CCDC88C: variants seen among roughly 807,000 people sequenced by gnomAD.
CCDC88C encodes the protein coiled-coil and HOOK domain protein 88C.
Under a neutral mutation model 198.8 loss-of-function variants are expected in CCDC88C, and 131 were observed. The ratio of observed to expected loss-of-function variants is 0.66; its 90% CI spans 0.57 to 0.76. CCDC88C has a LOEUF of 0.76. Among genes scored for constraint, CCDC88C ranks in the 30% least tolerant of loss-of-function variants. The pLI, the probability that CCDC88C is intolerant of heterozygous loss-of-function variation, is 0.00. For synonymous variants in CCDC88C, 1,166 were observed against 1,114.7 expected, an observed-to-expected ratio of 1.05 and a Z score of -0.92; for missense variants, 2,553 against 2,631.6, an observed-to-expected ratio of 0.97 and a Z score of 0.65.
intron 21 of CCDC88C, 74 bp downstream of exon 21, chr14:91,299,853 G>A: frequency 6.9e-7 from 1 of 1,453,390 alleles, no homozygotes; most frequent in South Asian, 1.4e-5. Flanking sequence ...GAACTTCTCA[G>A]TGGTTGCTAT....
intron 17 of CCDC88C, among the ~76,000 whole-genome samples, 162 bp downstream of exon 17, chr14:91,308,189 C>T (rs1258097986): frequency 6.6e-6 from 1 of 152,172 alleles, no homozygotes; most frequent in Non-Finnish European, 1.5e-5. Flanking sequence ...GGCCCTAGTG[C>T]GTGTGATTCT....
At chr14:91,316,427 T>A (rs1892100088) in intron 13 of CCDC88C, among the ~76,000 whole-genome samples, 1 of 136,748 alleles carries the variant, frequency 7.3e-6, no homozygotes, top group African/African-American at 2.9e-5. Context: ...TGACTCAACC[T>A]TTTTTTTTTT....
At chr14:91,335,009 G>A (rs1042951218) in intron 10 of CCDC88C, among the ~76,000 whole-genome samples, 1 of 152,224 alleles carries the variant, frequency 6.6e-6, no homozygotes, top group African/African-American at 2.4e-5. Context: ...GGTCTCCAAT[G>A]CAGCAGAGCA....
chr14:91,282,683 T>A (rs1890246003), intron 26 of CCDC88C, among the ~76,000 whole-genome samples: 1 of 151,968 alleles, frequency 6.6e-6, no homozygotes. Flanking sequence ...AGACAGGGAG[T>A]TCCTAAATCC....
chr14:91,279,828 AG>A, intron 27 of CCDC88C: 1 of 152,510 alleles, frequency 6.6e-6, no homozygotes, highest in Non-Finnish European at 1.5e-5. Flanking sequence ...AGCAGGTGCC[AG>A]GGGCCTGGGA....
intron 3 of CCDC88C, among the ~76,000 whole-genome samples, chr14:91,396,282 G>A (rs1885834081): frequency 6.6e-6 from 1 of 152,160 alleles, no homozygotes; most frequent in Admixed American, 6.5e-5. Flanking sequence ...CAAACATGCT[G>A]ATCCTGGCAT....
chr14:91,352,560 T>G lies in CCDC88C; in HGVS notation c.340+7082A>C, dbSNP rs1893862110. 6.6e-6 allele frequency among the ~76,000 whole-genome samples: 1 copy of G among 152,256 alleles called. No individual in the cohort carries two copies. Among genetic ancestry groups the G allele is most frequent in the South Asian group, 2.1e-4 (1 of 4,832 alleles). ...AGAGGAAATTTTAGAACAATCAAAA[T>G]GCCTGCAAGATTAGCTTTTTCTTAT... is the stretch of plus-strand genomic sequence containing the variant. On this transcript the variant is annotated intron_variant, in intron 4 of 29. Transcript: ENST00000389857. The surrounding 1 kb of genome is among the most constrained non-coding windows in gnomAD (Gnocchi z 4.2).
chr14:91,295,837 C>T (rs1222126875), intron 22 of CCDC88C, among the ~76,000 whole-genome samples: 1 of 152,128 alleles, frequency 6.6e-6, no homozygotes, highest in African/African-American at 2.4e-5. Context: ...AGACAGGGTC[C>T]ATAAAGAGGC....
At chr14:91,403,430 G>A (rs1886324220) in intron 3 of CCDC88C, among the ~76,000 whole-genome samples, 1 of 152,166 alleles carries the variant, frequency 6.6e-6, no homozygotes, top group African/African-American at 2.4e-5. Context: ...CCGGACTGAA[G>A]GTGTCCAGGG....
chr14:91,416,605 T>TA, intron 2 of CCDC88C, 133 bp downstream of exon 2: 1 of 705,828 alleles, frequency 1.4e-6, no homozygotes, highest in Non-Finnish European at 2.5e-6. Context: ...AATACTGAGA[T>TA]ACCAGCGTCT....
chr14:91,331,062 T>A (rs897784521), intron 10 of CCDC88C, among the ~76,000 whole-genome samples: 1 of 136,264 alleles, frequency 7.3e-6, no homozygotes, highest in African/African-American at 2.7e-5. Context: ...GATATGTCCA[T>A]GTCAGGAGCG....
intron 29 of CCDC88C, among the ~76,000 whole-genome samples, chr14:91,274,597 A>T (rs1889878716): frequency 6.6e-6 from 1 of 152,132 alleles, no homozygotes; most frequent in Admixed American, 6.5e-5. Context: ...TCCCACACAA[A>T]CATCTGGACA....
intron 29 of CCDC88C, among the ~76,000 whole-genome samples, chr14:91,276,302 C>T (rs908046676): frequency 3.9e-5 from 6 of 152,214 alleles, no homozygotes; most frequent in Non-Finnish European, 7.3e-5. Flanking sequence ...TTGAGAACCA[C>T]AACATTAGAC....
intron 2 of CCDC88C, 57 bp from the exon 3 acceptor site, chr14:91,408,824 T>C: frequency 8.7e-7 from 1 of 1,149,882 alleles, no homozygotes; most frequent in Non-Finnish European, 1.3e-6. Context: ...CCACACTTCC[T>C]TTCCCAGCCA....
Position 91,273,235 on chromosome 14 carries a change from G to A in CCDC88C, c.5477C>T (p.Pro1826Leu). The change falls in exon 30 of 30, where the codon CCT (proline) becomes CTT (leucine). Residue 1826 changes from proline to leucine, a missense_variant. By Grantham distance (98) the Pro-to-Leu change is moderately conservative. This residue lies in a region of CCDC88C where 1,293 missense variants were observed against 1,219.6 expected (regional missense o/e 1.06). Transcript: ENST00000389857. This position sits in a 1 kb window ranked among gnomAD's most constrained non-coding sequence, Gnocchi z 5.6. ...SGPEACKQES[P>L]QKLGAPEALG... ...GGCCTCAGGAGCCCCCAGCTTCTGA[G>A]GGGACTCCTGTTTGCAGGCCTCTGG... 4.5e-6 allele frequency: 7 copies of A among 1,560,302 alleles called. No homozygotes were observed. Among genetic ancestry groups the A allele is most frequent in the Non-Finnish European group, 6.1e-6 (7 of 1,152,138 alleles).
chr14:91,412,234 C>T (rs564675310), intron 2 of CCDC88C, among the ~76,000 whole-genome samples: 5 of 151,496 alleles, frequency 3.3e-5, no homozygotes, highest in Admixed American at 2.0e-4. Context: ...TGGACCCATG[C>T]TAAAAAACAA....
intron 28 of CCDC88C, 62 bp downstream of exon 28, chr14:91,279,169 ATTATAGG>A: frequency 7.5e-7 from 1 of 1,341,242 alleles, no homozygotes; most frequent in South Asian, 1.3e-5. Context: ...CAAAGTGCTG[ATTATAGG>A]CATGAGCCAC....
intron 4 of CCDC88C, among the ~76,000 whole-genome samples, chr14:91,355,657 C>T (rs970088128): frequency 2.0e-5 from 3 of 152,174 alleles, no homozygotes; most frequent in Admixed American, 6.5e-5. Flanking sequence ...TTTCAGTATA[C>T]GAAGTACTGT....
chr14:91,399,106 C>T (rs1886020580), intron 3 of CCDC88C, among the ~76,000 whole-genome samples: 1 of 152,194 alleles, frequency 6.6e-6, no homozygotes, highest in African/African-American at 2.4e-5. Context: ...CTGCCCAGCC[C>T]TAACCCTGGG....
Sources: allele counts gnomAD v4.1 joint callset (sites outside exome capture counted in the v4.1 genomes callset), GRCh38; gene constraint gnomAD v4.1.1; regional missense constraint gnomAD v4.1.1; non-coding constraint Gnocchi (gnomAD v3.1); transcripts MANE v1.5; gene names NCBI Gene and HGNC (gene_info 2026-07-23, HGNC 2026-07-21).